NIBAN1: variants seen among roughly 807,000 people sequenced by gnomAD.
NIBAN1 encodes the protein niban apoptosis regulator 1, also known as protein Niban 1.
Under a neutral mutation model 75.1 loss-of-function variants are expected in NIBAN1, and 81 were observed. That is an observed-to-expected ratio of 1.08 (90% confidence interval 0.90 to 1.30). The LOEUF (loss-of-function observed/expected upper bound fraction) is 1.30, where lower values mean the gene tolerates loss of function less well. Ranked by LOEUF, NIBAN1 falls within the 50% of genes most tolerant of loss-of-function variation. The pLI is 0.00. For missense variants in NIBAN1, 1,133 were observed against 1,128.1 expected, an observed-to-expected ratio of 1.00 and a Z score of -0.06; for synonymous variants, 436 against 424.8, an observed-to-expected ratio of 1.03 and a Z score of -0.32.
At chr1:184,956,794 T>A (rs1226268447) in intron 1 of NIBAN1, among the ~76,000 whole-genome samples, 2 of 152,174 alleles carry the variant, frequency 1.3e-5, no homozygotes, top group Non-Finnish European at 2.9e-5. Context: ...CATGGTACCA[T>A]GCACTAGATG....
At chr1:184,904,394 C>T (rs1236081437) in intron 1 of NIBAN1, among the ~76,000 whole-genome samples, 1 of 152,200 alleles carries the variant, frequency 6.6e-6, no homozygotes, top group Non-Finnish European at 1.5e-5. Flanking sequence ...AGGAAACTAA[C>T]ACACCTCTTT....
chr1:184,944,727 C>A (rs1241929642), intron 1 of NIBAN1, among the ~76,000 whole-genome samples: 1 of 152,200 alleles, frequency 6.6e-6, no homozygotes, highest in East Asian at 1.9e-4. Context: ...GGAGAGGAGC[C>A]ATGAGATTCC....
At chr1:184,964,116 G>A (rs2102084899) in intron 1 of NIBAN1, among the ~76,000 whole-genome samples, 1 of 151,790 alleles carries the variant, frequency 6.6e-6, no homozygotes. Flanking sequence ...AATGAGTTCA[G>A]TTCAGTTCTA....
At chr1:184,892,618 CTT>C (rs1656697721) in intron 3 of NIBAN1, among the ~76,000 whole-genome samples, 1 of 152,108 alleles carries the variant, frequency 6.6e-6, no homozygotes. Flanking sequence ...AGCACTTGAG[CTT>C]TGCCTGGTAG....
chr1:184,823,046 A>C, intron 8 of NIBAN1, 121 bp downstream of exon 8: 1 of 1,196,182 alleles, frequency 8.4e-7, no homozygotes, highest in Non-Finnish European at 1.2e-6. Flanking sequence ...TGCAGCTGTG[A>C]TCACCTCCTC....
chr1:184,802,573 G>A (rs889810205), intron 12 of NIBAN1, among the ~76,000 whole-genome samples: 3 of 152,110 alleles, frequency 2.0e-5, no homozygotes, highest in Non-Finnish European at 4.4e-5. Context: ...TATCTAATAC[G>A]CTATGAGGAT....
intron 5 of NIBAN1, among the ~76,000 whole-genome samples, chr1:184,841,253 G>A (rs641591): frequency 6.6e-6 from 1 of 151,818 alleles, no homozygotes; most frequent in South Asian, 2.1e-4. Flanking sequence ...ATAAAGGTAC[G>A]AAGTTTGAAG....
chr1:184,816,251 G>A (rs1179144272), intron 9 of NIBAN1, among the ~76,000 whole-genome samples: 1 of 152,158 alleles, frequency 6.6e-6, no homozygotes, highest in Non-Finnish European at 1.5e-5. Flanking sequence ...TCTTCCTGGT[G>A]TGCTGTATTC....
intron 6 of NIBAN1, among the ~76,000 whole-genome samples, chr1:184,823,989 A>T (rs1020964136): frequency 2.6e-5 from 4 of 152,228 alleles, no homozygotes; most frequent in African/African-American, 9.6e-5. Context: ...TTGTTTTCCC[A>T]ATGTAAATAA....
At chr1:184,871,366 A>AG (rs1557894932) in intron 5 of NIBAN1, among the ~76,000 whole-genome samples, 26 of 148,820 alleles carry the variant, frequency 1.7e-4, no homozygotes, top group Non-Finnish European at 2.8e-4. Flanking sequence ...AAAAAAAAAA[A>AG]AAAAAAAGAG....
intron 5 of NIBAN1, among the ~76,000 whole-genome samples, chr1:184,880,768 A>C (rs1457802417): frequency 6.6e-6 from 1 of 152,192 alleles, no homozygotes; most frequent in Non-Finnish European, 1.5e-5. Flanking sequence ...TTTGCAAACT[A>C]AAGTTCTGAA....
At chr1:184,937,869 T>C (rs144760214) in intron 1 of NIBAN1, among the ~76,000 whole-genome samples, 120 of 152,256 alleles carry the variant, frequency 7.9e-4, no homozygotes, top group African/African-American at 2.8e-3. Context: ...GAGTACAATA[T>C]ATGTAAAGCA....
intron 6 of NIBAN1, among the ~76,000 whole-genome samples, chr1:184,827,960 G>GTTTTTTTT (rs1047727839): frequency 7.3e-6 from 1 of 137,466 alleles, no homozygotes; most frequent in African/African-American, 2.7e-5. Flanking sequence ...TTTGTTTTTT[G>GTTTTTTTT]TTTTTTTTTT....
chr1:184,925,489 C>G (rs1657658771), intron 1 of NIBAN1, among the ~76,000 whole-genome samples: 1 of 151,990 alleles, frequency 6.6e-6, no homozygotes, highest in Admixed American at 6.5e-5. Context: ...TCTCTTCCTT[C>G]TTTTCTGCCT....
rs75782164 is a variant in NIBAN1 at position 184,812,382 on chromosome 1, C to T, written c.1174-4147G>A. Among the ~76,000 whole-genome samples the T allele has an allele frequency of 8.9e-3, 1,353 of 152,270 alleles. 10 individuals carry two copies. Among genetic ancestry groups the T allele is most frequent in the Non-Finnish European group, 0.014 (939 of 68,010 alleles). Reference sequence around the variant, plus strand: ...AAAAAATAATAATTTTCCTTTATGACGTGGCTTGGCCCCCAGCAGGATGGT... The same window carrying T: ...AAAAAATAATAATTTTCCTTTATGATGTGGCTTGGCCCCCAGCAGGATGGT... On this transcript the variant is annotated intron_variant, in intron 9 of 13. Coordinates refer to ENST00000367511, the MANE Select transcript of NIBAN1 (RefSeq NM_052966.4).
rs1411420594 is a variant in NIBAN1, at chr1:184,974,415, C to T, written c.-59G>A. The T allele has an allele frequency of 6.6e-7, 1 of 1,517,040 alleles. No individual in the cohort carries two copies. 94.0% of individuals were successfully genotyped at this position (1,517,040 alleles called of 1,614,324 possible). On this transcript the variant is annotated 5_prime_UTR_variant, in exon 1 of 14. Transcript: ENST00000367511. Reference sequence around the variant, plus strand: ...GCCCGGTCCGCGCCCGCTGCTAGCTCCTGGAGGTTGATCCGACGGCGAACC... The same window carrying T: ...GCCCGGTCCGCGCCCGCTGCTAGCTTCTGGAGGTTGATCCGACGGCGAACC...
chr1:184,845,059 A>C (rs1259570208), intron 5 of NIBAN1, among the ~76,000 whole-genome samples: 1 of 152,240 alleles, frequency 6.6e-6, no homozygotes, highest in Non-Finnish European at 1.5e-5. Flanking sequence ...AGTTCTCTTT[A>C]ATTTCTGGGT....
intron 6 of NIBAN1, among the ~76,000 whole-genome samples, chr1:184,826,964 G>A (rs1458062870): frequency 6.6e-6 from 1 of 152,038 alleles, no homozygotes; most frequent in Non-Finnish European, 1.5e-5. Context: ...GGAGATAATT[G>A]AATCCTAGGG....
chr1:184,917,202 CTT>C (rs34437861), intron 1 of NIBAN1, among the ~76,000 whole-genome samples: 90 of 137,496 alleles, frequency 6.5e-4, no homozygotes, highest in Middle Eastern at 7.4e-3. Context: ...ATCTCTTCCA[CTT>C]TTTTTTTTTT....
Sources: gnomAD v4.1 joint callset for allele counts (sites outside exome capture counted in the v4.1 genomes callset) on GRCh38, gnomAD v4.1.1 for gene constraint, MANE v1.5 for transcripts, NCBI Gene and HGNC (gene_info 2026-07-23, HGNC 2026-07-21) for gene names.